THRAP3: variants seen among roughly 807,000 people sequenced by gnomAD.
The protein encoded by THRAP3 is thyroid hormone receptor-associated protein 3.
Under a neutral mutation model 101.0 loss-of-function variants are expected in THRAP3, and 16 were observed. The ratio of observed to expected loss-of-function variants is 0.16; its 90% CI spans 0.11 to 0.24. THRAP3 has a LOEUF of 0.24. THRAP3 is among the 10% of genes least tolerant of loss of function. The pLI is 1.00. For missense variants in THRAP3, 989 were observed against 1,202.7 expected (o/e 0.82, Z 2.63); for synonymous variants, 407 against 422.6 (o/e 0.96, Z 0.45).
At chr1:36,250,732 C>G (rs56186115) in intron 1 of THRAP3, among the ~76,000 whole-genome samples, 1 of 151,014 alleles carries the variant, frequency 6.6e-6, no homozygotes, top group African/African-American at 2.4e-5. Context: ...GCCAACATGG[C>G]GAAACCCAAT....
At chr1:36,224,129 A>T (rs1466131422), upstream of THRAP3, among the ~76,000 whole-genome samples, 3 of 152,236 alleles carry the variant, frequency 2.0e-5, no homozygotes, top group Non-Finnish European at 4.4e-5. Flanking sequence ...CTCTCCCTCC[A>T]GGCTGGTTCC....
chr1:36,247,729 T>G (rs192614865), intron 1 of THRAP3, among the ~76,000 whole-genome samples: 12 of 152,334 alleles, frequency 7.9e-5, no homozygotes, highest in Non-Finnish European at 1.5e-4. Context: ...CTCATTTTTT[T>G]TGTGTGGTGA....
chr1:36,301,810 A>G, intron 11 of THRAP3, 114 bp downstream of exon 11: 2 of 1,289,598 alleles, frequency 1.6e-6, no homozygotes, highest in Non-Finnish European at 2.1e-6. Flanking sequence ...GTGCAGGATT[A>G]TTGCACTGGG....
chr1:36,230,014 G>T (rs1259119450), intron 1 of THRAP3, among the ~76,000 whole-genome samples: 1 of 143,766 alleles, frequency 7.0e-6, no homozygotes, highest in Non-Finnish European at 1.5e-5. Flanking sequence ...GAGTGCAGTG[G>T]TGCCATCTCG....
chr1:36,304,131 C>T lies in THRAP3; in HGVS notation c.*114C>T, dbSNP rs889114426. On this transcript the variant is annotated 3_prime_UTR_variant, in exon 12 of 12. Coordinates refer to ENST00000354618, the MANE Select transcript of THRAP3 (RefSeq NM_005119.4). ...TTCTGAAAATCCTACCCCCACCCCCCACCAGCCGCACAGATTGTACTACCG... is the reference window on the plus strand; with the variant it reads ...TTCTGAAAATCCTACCCCCACCCCCTACCAGCCGCACAGATTGTACTACCG... 2 of 1,400,782 alleles carry T rather than the reference C, an allele frequency of 1.4e-6. No individual in the cohort carries two copies. The highest frequency in any genetic ancestry group is 1.5e-5 in the African/African-American group (1 of 68,374). The allele number at this position is 1,400,782 out of a possible 1,614,324, so 86.8% of individuals were successfully genotyped here.
upstream of THRAP3, among the ~76,000 whole-genome samples, chr1:36,222,140 TC>T (rs1202699246): frequency 6.6e-6 from 1 of 151,830 alleles, no homozygotes; most frequent in Non-Finnish European, 1.5e-5. Context: ...CCTCAGGTTA[TC>T]CACCCGCCTT....
At chr1:36,228,630 C>T (rs560416127) in intron 1 of THRAP3, among the ~76,000 whole-genome samples, 1 of 152,198 alleles carries the variant, frequency 6.6e-6, no homozygotes, top group African/African-American at 2.4e-5. Context: ...GCTGGGATTA[C>T]AGGCGTGAGC....
At chr1:36,296,032 G>A (rs1337392311) in intron 8 of THRAP3, among the ~76,000 whole-genome samples, 1 of 133,482 alleles carries the variant, frequency 7.5e-6, no homozygotes, top group Non-Finnish European at 1.5e-5. Context: ...GGAGTGCAGT[G>A]GTGCGATCTC....
rs529229432 is a variant in THRAP3 at position 36,230,984 on chromosome 1, C to T, written c.-135+6479C>T. On this transcript the variant is annotated intron_variant, in intron 1 of 11. Coordinates refer to ENST00000354618, the MANE Select transcript of THRAP3 (RefSeq NM_005119.4). ...TCCAATTTGCCCTAGACCCTGCCAA[C>T]AGTCTGACATGTAGCCCTGACCTGG... Among the ~76,000 whole-genome samples the T allele has an allele frequency of 2.0e-5, 3 of 152,288 alleles. No individual in the cohort carries two copies. The South Asian group carries it at 6.2e-4, about 32-fold the overall frequency.
chr1:36,212,052 C>T, the THRAP3 span, among the ~76,000 whole-genome samples: 10 of 152,300 alleles, frequency 6.6e-5, no homozygotes, highest in East Asian at 1.9e-3. Flanking sequence ...TAATGTCAGG[C>T]GTGGCTGAAT....
intron 1 of THRAP3, among the ~76,000 whole-genome samples, chr1:36,241,206 A>AC (rs950422051): frequency 2.0e-5 from 3 of 150,332 alleles, no homozygotes; most frequent in Non-Finnish European, 4.4e-5. Context: ...AAAAAAAAAA[A>AC]AAAGATTTTT....
intron 1 of THRAP3, among the ~76,000 whole-genome samples, chr1:36,251,062 A>C (rs563576986): frequency 3.9e-5 from 6 of 152,128 alleles, no homozygotes; most frequent in Non-Finnish European, 5.9e-5. Context: ...TCTTAATGTC[A>C]CTGAACTGTA....
intron 2 of THRAP3, among the ~76,000 whole-genome samples, chr1:36,274,996 G>A (rs959110684): frequency 8.0e-5 from 12 of 150,198 alleles, no homozygotes; most frequent in Admixed American, 3.3e-4. Context: ...TTTTTTGGCC[G>A]GGCGCGGTGG....
chr1:36,280,133 T>C (rs958960247), intron 2 of THRAP3, among the ~76,000 whole-genome samples: 4 of 152,214 alleles, frequency 2.6e-5, no homozygotes, highest in Non-Finnish European at 4.4e-5. Context: ...AATTAATGAA[T>C]GAGCAAGTCG....
the THRAP3 span, among the ~76,000 whole-genome samples, chr1:36,216,812 A>C: frequency 6.6e-6 from 1 of 152,044 alleles, no homozygotes; most frequent in Non-Finnish European, 1.5e-5. Context: ...TGTAAAAATA[A>C]TCCTAGTTTC....
At chr1:36,249,910 T>A (rs1645278609) in intron 1 of THRAP3, among the ~76,000 whole-genome samples, 1 of 152,122 alleles carries the variant, frequency 6.6e-6, no homozygotes, top group Non-Finnish European at 1.5e-5. Context: ...GTATTGAATT[T>A]TATGCAGTAA....
intron 2 of THRAP3, among the ~76,000 whole-genome samples, chr1:36,278,647 G>C (rs1335326267): frequency 2.6e-5 from 4 of 152,174 alleles, no homozygotes; most frequent in Admixed American, 2.0e-4. Flanking sequence ...CCTTGTGCCA[G>C]GCGTGGTGGA....
At chr1:36,219,573 C>T (rs1570200722), upstream of THRAP3, among the ~76,000 whole-genome samples, 2 of 152,134 alleles carry the variant, frequency 1.3e-5, no homozygotes, top group Non-Finnish European at 2.9e-5. Flanking sequence ...TACAGTCACC[C>T]GCCACCATGC....
At chr1:36,288,655 T>G in intron 4 of THRAP3, 1 of 985,476 alleles carries the variant, frequency 1.0e-6, no homozygotes, top group Non-Finnish European at 1.2e-6. Context: ...AGTCCAAGGT[T>G]GAACATTCTA....
Sources: allele counts gnomAD v4.1 joint callset (sites outside exome capture counted in the v4.1 genomes callset), GRCh38; gene constraint gnomAD v4.1.1; transcripts MANE v1.5; gene names NCBI Gene and HGNC (gene_info 2026-07-23, HGNC 2026-07-21).